The following USP32 variants were observed in gnomAD, a reference collection of about 807,000 sequenced individuals.
The protein encoded by USP32 is ubiquitin carboxyl-terminal hydrolase 32.
USP32 carries 59 observed loss-of-function variants against 204.8 expected under a neutral mutation model. The ratio of observed to expected loss-of-function variants is 0.29; its 90% CI spans 0.23 to 0.36. USP32 has a LOEUF of 0.36. USP32 is among the 10% of genes least tolerant of loss of function. The pLI is 1.00. For synonymous variants in USP32, 517 were observed against 678.4 expected (o/e 0.76, Z 3.70); for missense variants, 1,160 against 1,946.4 (o/e 0.60, Z 7.60).
chr17:60,275,827 T>A (rs2086826052), intron 5 of USP32, among the ~76,000 whole-genome samples: 1 of 151,744 alleles, frequency 6.6e-6, no homozygotes, highest in Non-Finnish European at 1.5e-5. Flanking sequence ...TTCTCCTGCC[T>A]CAGCCTCCTG....
chr17:60,378,913 T>C (rs1454946422), intron 1 of USP32, among the ~76,000 whole-genome samples: 2 of 151,918 alleles, frequency 1.3e-5, no homozygotes, highest in African/African-American at 4.8e-5. Flanking sequence ...AAATGGTAAA[T>C]GGTATGTTCT....
intron 2 of USP32, among the ~76,000 whole-genome samples, chr17:60,313,684 C>T (rs2087907202): frequency 6.6e-6 from 1 of 151,634 alleles, no homozygotes; most frequent in Non-Finnish European, 1.5e-5. Flanking sequence ...GAGGAGAGAC[C>T]CCAAGAGTTA....
chr17:60,181,175 G>C lies in USP32; in HGVS notation c.4548+149C>G, dbSNP rs1342571066. 4 of 1,071,860 alleles carry C rather than the reference G, an allele frequency of 3.7e-6. No homozygotes were observed. The Admixed American group carries it at 1.1e-4, about 30-fold the overall frequency. The allele number at this position is 1,071,860 out of a possible 1,614,324, so 66.4% of individuals were successfully genotyped here. A position where few individuals can be genotyped will look rare whatever the true frequency, so the allele number is the denominator to read the frequency against. ...AGGTGTGAGTCACCACACCTGGGCA[G>C]GCCAAGATTTCTGTGTTAACTTTGT... On this transcript the variant is annotated intron_variant, in intron 32 of 33. Transcript: ENST00000300896.
intron 2 of USP32, among the ~76,000 whole-genome samples, chr17:60,334,833 A>G (rs1180181300): frequency 7.0e-6 from 1 of 143,326 alleles, no homozygotes; most frequent in East Asian, 1.9e-4. Flanking sequence ...TTAGCAGCTC[A>G]ATATATATAC....
At chr17:60,193,501 A>G (rs1255216656) in intron 27 of USP32, among the ~76,000 whole-genome samples, 1 of 152,200 alleles carries the variant, frequency 6.6e-6, no homozygotes, top group African/African-American at 2.4e-5. Flanking sequence ...AAAAAAATTT[A>G]CTCATCCTTG....
intron 11 of USP32, among the ~76,000 whole-genome samples, chr17:60,243,116 T>C (rs2085922929): frequency 6.6e-6 from 1 of 152,236 alleles, no homozygotes; most frequent in Non-Finnish European, 1.5e-5. Flanking sequence ...TTTGACAATA[T>C]AGTGAATGGA....
chr17:60,278,402 T>C (rs2086890042), intron 5 of USP32, among the ~76,000 whole-genome samples: 1 of 151,948 alleles, frequency 6.6e-6, no homozygotes, highest in Non-Finnish European at 1.5e-5. Flanking sequence ...TGGGAGCACA[T>C]ACATGGGTAG....
At chr17:60,329,653 C>G (rs1433882452) in intron 2 of USP32, among the ~76,000 whole-genome samples, 1 of 152,016 alleles carries the variant, frequency 6.6e-6, no homozygotes, top group Non-Finnish European at 1.5e-5. Flanking sequence ...ACTTTTCTCC[C>G]TTCCTCAACT....
intron 1 of USP32, among the ~76,000 whole-genome samples, chr17:60,357,644 C>T (rs1401675420): frequency 6.6e-6 from 1 of 152,180 alleles, no homozygotes; most frequent in Non-Finnish European, 1.5e-5. Context: ...GTACCTTTAT[C>T]TTTCCAAGTG....
rs189303136 is a variant in USP32 at position 60,178,458 on chromosome 17, C to G, written c.*797G>C. 2.2e-3 allele frequency among the ~76,000 whole-genome samples: 330 copies of G among 152,290 alleles called. 4 individuals are homozygous for G. The highest frequency in any genetic ancestry group is 7.5e-3 in the African/African-American group (312 of 41,558). The stretch of plus-strand genomic sequence containing the variant: ...GGGGCCGGGGGTGCAGAATACATTT[C>G]TGAGGATACTTGAAGTATCCTAAAT... On this transcript the variant is annotated 3_prime_UTR_variant, in exon 34 of 34. Coordinates refer to ENST00000300896, the MANE Select transcript of USP32 (RefSeq NM_032582.4).
chr17:60,304,435 C>T (rs2087671451), intron 2 of USP32, among the ~76,000 whole-genome samples: 1 of 151,128 alleles, frequency 6.6e-6, no homozygotes, highest in South Asian at 2.1e-4. Flanking sequence ...GTACCTCAGG[C>T]TGGAGGAAAT....
At position 60,255,170 on chromosome 17, in the gene USP32, C is replaced by T; in HGVS notation, c.1074+5G>A. 1 of 1,606,780 alleles carries T rather than the reference C, an allele frequency of 6.2e-7. No homozygotes were observed. The highest frequency in any genetic ancestry group is 8.5e-7 in the Non-Finnish European group (1 of 1,175,074). On this transcript the variant is annotated splice_donor_5th_base_variant and intron_variant, in intron 10 of 33. Transcript: ENST00000300896. ...CTCTGTTGCTGTCATTTACCTTAAA[C>T]ATACCTGGAAAAGGAGGTTCAAAAA...
At chr17:60,363,086 T>A (rs968132875) in intron 1 of USP32, among the ~76,000 whole-genome samples, 4 of 151,918 alleles carry the variant, frequency 2.6e-5, no homozygotes, top group Admixed American at 2.0e-4. Context: ...GACCAAGAGT[T>A]CAAGATCAGC....
intron 8 of USP32, 78 bp downstream of exon 8, chr17:60,265,898 T>C: frequency 3.5e-6 from 4 of 1,134,114 alleles, no homozygotes; most frequent in Middle Eastern, 2.0e-4. Context: ...AATTATTTTA[T>C]GCTTTTAAAG....
intron 3 of USP32, among the ~76,000 whole-genome samples, chr17:60,299,012 G>C (rs1217904114): frequency 6.6e-6 from 1 of 152,066 alleles, no homozygotes. Context: ...TGCACCTATA[G>C]TCCTAGCTAC....
At chr17:60,216,291 CAAA>C (rs4047751) in intron 16 of USP32, among the ~76,000 whole-genome samples, 1 of 112,484 alleles carries the variant, frequency 8.9e-6, no homozygotes, top group Admixed American at 8.8e-5. Flanking sequence ...AGAGAGGTGG[CAAA>C]AAAAAAAAAA....
rs191681931 is a variant in USP32, at chr17:60,259,465, G to A, written c.991-4207C>T. Among the ~76,000 whole-genome samples, 34 of 151,958 alleles carry A rather than the reference G, an allele frequency of 2.2e-4. No individual in the cohort carries two copies. The East Asian group carries it at 6.6e-3, about 29-fold the overall frequency. ...ATACGTGTGAGCGCGCCCTTCAGTG[G>A]GATGGAGTCTTGTCCAGGGTTGGTT... On this transcript the variant is annotated intron_variant, in intron 9 of 33. Transcript: ENST00000300896.
intron 2 of USP32, among the ~76,000 whole-genome samples, chr17:60,333,193 T>C (rs920542586): frequency 1.3e-5 from 2 of 152,214 alleles, no homozygotes; most frequent in African/African-American, 2.4e-5. Context: ...GCTTTACTAA[T>C]AGCCTGACAA....
At chr17:60,329,114 A>T (rs2088315883) in intron 2 of USP32, among the ~76,000 whole-genome samples, 1 of 152,234 alleles carries the variant, frequency 6.6e-6, no homozygotes, top group Non-Finnish European at 1.5e-5. Flanking sequence ...GTACTCCATA[A>T]ATATGTATAA....
Sources: allele counts gnomAD v4.1 joint callset (sites outside exome capture counted in the v4.1 genomes callset), GRCh38; gene constraint gnomAD v4.1.1; transcripts MANE v1.5; gene names NCBI Gene and HGNC (gene_info 2026-07-23, HGNC 2026-07-21).